Variants in PCDHA3 observed in about 807,000 individuals in gnomAD.
PCDHA3 encodes the protein protocadherin alpha 3.
PCDHA3 carries 41 observed loss-of-function variants against 62.2 expected under a neutral mutation model. That is an observed-to-expected ratio of 0.66 (90% CI 0.51 to 0.86). The LOEUF is 0.86. Ranked by LOEUF, PCDHA3 falls within the 40% of genes least tolerant of loss-of-function variation. PCDHA3 has a pLI of 0.00. For missense variants in PCDHA3, 1,304 were observed against 1,241.2 expected (o/e 1.05, Z -0.76); for synonymous variants, 640 against 555.4 (o/e 1.15, Z -2.14).
intron 1 of PCDHA3, among the ~76,000 whole-genome samples, chr5:140,909,596 T>C (rs2074597089): frequency 6.6e-6 from 1 of 152,222 alleles, no homozygotes; most frequent in South Asian, 2.1e-4. Context: ...TGATTTACTA[T>C]TTTTCTAGGT....
intron 1 of PCDHA3, chr5:140,849,857 G>T (rs2150454251): frequency 1.9e-6 from 3 of 1,598,510 alleles, no homozygotes; most frequent in African/African-American, 2.7e-5. Context: ...ACGCACCAGC[G>T]TTCGCGCAGT....
chr5:140,959,795 T>G (rs2095511248), intron 1 of PCDHA3, among the ~76,000 whole-genome samples: 1 of 152,180 alleles, frequency 6.6e-6, no homozygotes, highest in Non-Finnish European at 1.5e-5. Flanking sequence ...CATGGCTAAT[T>G]TAGAGGATTT....
intron 1 of PCDHA3, chr5:140,884,142 G>A (rs782033390): frequency 5.6e-6 from 9 of 1,613,298 alleles, no homozygotes; most frequent in African/African-American, 1.3e-5. Flanking sequence ...TTCCGCGTGG[G>A]GCTGTACACT....
intron 2 of PCDHA3, among the ~76,000 whole-genome samples, chr5:140,981,204 A>G (rs782466772): frequency 2.6e-5 from 4 of 152,218 alleles, no homozygotes; most frequent in Non-Finnish European, 5.9e-5. Context: ...CTGTTGCCTC[A>G]TATAACCCCT....
intron 1 of PCDHA3, among the ~76,000 whole-genome samples, chr5:140,959,555 T>A (rs538493851): frequency 1.3e-5 from 2 of 152,118 alleles, no homozygotes; most frequent in African/African-American, 4.8e-5. Flanking sequence ...ATAAATAGAA[T>A]CAGTACTAGA....
At chr5:140,875,906 C>T in intron 1 of PCDHA3, 1 of 1,614,204 alleles carries the variant, frequency 6.2e-7, no homozygotes, top group East Asian at 2.2e-5. Flanking sequence ...GTTTCTGAAT[C>T]TGCGCCTCTG....
chr5:140,924,896 AAAAAAAAAAT>A (rs1244420537), intron 1 of PCDHA3, among the ~76,000 whole-genome samples: 4 of 69,138 alleles, frequency 5.8e-5, no homozygotes, highest in African/African-American at 1.0e-4. Flanking sequence ...ACCTGTCTCA[AAAAAAAAAAT>A]AAAATAAAAT....
chr5:140,853,855 T>A, intron 1 of PCDHA3: 1 of 985,872 alleles, frequency 1.0e-6, no homozygotes, highest in Non-Finnish European at 1.2e-6. Flanking sequence ...TAGCCCTATT[T>A]GATACTTGAC....
chr5:140,907,863 C>T (rs763021038), intron 1 of PCDHA3, among the ~76,000 whole-genome samples: 4 of 152,208 alleles, frequency 2.6e-5, no homozygotes, highest in African/African-American at 7.2e-5. Context: ...TGAGGCCAGC[C>T]GTTGGTGAGC....
Position 140,848,175 on chromosome 5 carries a change from A to C in PCDHA3, c.2394+44584A>C, listed in dbSNP as rs1003138626. The C allele has an allele frequency of 1.1e-4, 28 of 264,776 alleles. 3 individuals are homozygous for C. The highest frequency in any genetic ancestry group is 1.8e-4 in the Non-Finnish European group (25 of 138,828). 16.4% of individuals were successfully genotyped at this position (264,776 alleles called of 1,614,324 possible). On this transcript the variant is annotated intron_variant, in intron 1 of 3. Transcript: ENST00000522353. ...AGTCTGCTAAGAAGGCTCCAGCAAG[A>C]GAAACGGGATCTTCTGTTTCAACAA...
At chr5:140,857,506 C>A in intron 1 of PCDHA3, 2 of 1,598,276 alleles carry the variant, frequency 1.3e-6, no homozygotes, top group Non-Finnish European at 1.7e-6. Flanking sequence ...CGCAGGAGAA[C>A]GCCCTGGTGT....
chr5:140,808,955 G>C, intron 1 of PCDHA3: 1 of 1,613,590 alleles, frequency 6.2e-7, no homozygotes, highest in Non-Finnish European at 8.5e-7. Context: ...TGTGGGCCAC[G>C]TGGTGGCAAA....
intron 1 of PCDHA3, chr5:140,814,194 A>T (rs1266788072): frequency 1.3e-5 from 2 of 151,392 alleles, no homozygotes; most frequent in African/African-American, 4.9e-5. Context: ...TAATTTTTTT[A>T]TTTTTTTCAC....
intron 1 of PCDHA3, chr5:140,968,340 A>G: frequency 6.2e-7 from 1 of 1,614,136 alleles, no homozygotes; most frequent in African/African-American, 1.3e-5. Context: ...GTCTCCATTA[A>G]CAGTGCCAGT....
rs17844334 is a variant in PCDHA3 at position 140,850,512 on chromosome 5, G to C, written c.2394+46921G>C. On this transcript the variant is annotated intron_variant, in intron 1 of 3. Transcript: ENST00000522353. ...TGTGCTGGTGTCGCTGGTGGAGAGCGGCCAGGCGCCAAAGTCATCGTCGCG... is the reference window on the plus strand; with the variant it reads ...TGTGCTGGTGTCGCTGGTGGAGAGCCGCCAGGCGCCAAAGTCATCGTCGCG... The C allele has an allele frequency of 2.1e-4, 342 of 1,598,262 alleles. 9 individuals carry two copies. The East Asian group carries it at 6.3e-3, about 30-fold the overall frequency.
intron 1 of PCDHA3, chr5:140,830,044 G>T: frequency 6.2e-7 from 1 of 1,613,812 alleles, no homozygotes; most frequent in Non-Finnish European, 8.5e-7. Context: ...TGGTGCTGGT[G>T]AAAGACCACG....
chr5:140,957,698 A>T (rs1554223065), intron 1 of PCDHA3, among the ~76,000 whole-genome samples: 1 of 152,174 alleles, frequency 6.6e-6, no homozygotes. Flanking sequence ...AATGAACATT[A>T]TGTAGTTTTT....
intron 1 of PCDHA3, among the ~76,000 whole-genome samples, chr5:140,956,909 A>C (rs1395848380): frequency 2.0e-5 from 3 of 152,198 alleles, no homozygotes; most frequent in African/African-American, 7.2e-5. Context: ...TAAATGTATA[A>C]ACTTTAATCT....
At chr5:140,836,548 G>A in intron 1 of PCDHA3, 2 of 1,613,750 alleles carry the variant, frequency 1.2e-6, no homozygotes, top group Admixed American at 1.7e-5. Flanking sequence ...ACGGCGTTGC[G>A]GTGCTCAGCG....
Sources: allele counts gnomAD v4.1 joint callset (sites outside exome capture counted in the v4.1 genomes callset), GRCh38; gene constraint gnomAD v4.1.1; transcripts MANE v1.5; gene names NCBI Gene and HGNC (gene_info 2026-07-23, HGNC 2026-07-21).